Variants in MCC observed in about 807,000 individuals in gnomAD.
MCC encodes MCC regulator of Wnt signaling pathway.
A neutral mutation model predicts 116.2 loss-of-function variants in MCC; 90 were observed. The ratio of observed to expected loss-of-function variants is 0.77; its 90% CI spans 0.65 to 0.92. The LOEUF (loss-of-function observed/expected upper bound fraction) is 0.92, where lower values mean the gene tolerates loss of function less well. MCC is among the 40% of genes least tolerant of loss of function. The pLI is 0.00. For synonymous variants in MCC, 578 were observed against 510.5 expected, an observed-to-expected ratio of 1.13 and a Z score of -1.78; for missense variants, 1,516 against 1,312.2, an observed-to-expected ratio of 1.16 and a Z score of -2.40.
intron 3 of MCC, among the ~76,000 whole-genome samples, chr5:113,230,570 G>A (rs1043157110): frequency 6.6e-6 from 1 of 152,096 alleles, no homozygotes; most frequent in Non-Finnish European, 1.5e-5. Flanking sequence ...TTTCAATTCA[G>A]CAAAGCTATA....
chr5:113,280,499 T>C (rs1370554725), intron 3 of MCC, among the ~76,000 whole-genome samples: 2 of 152,190 alleles, frequency 1.3e-5, no homozygotes, highest in African/African-American at 2.4e-5. Context: ...GTGAACACAC[T>C]GTATTATAGA....
rs372516478 is a variant in MCC, at chr5:113,431,269, A to G, written c.171-46057T>C. On this transcript the variant is annotated intron_variant, in intron 1 of 18. Transcript: ENST00000408903. Reference sequence around the variant, plus strand: ...GGTGTATTAGTTTGCTAGGGCTGCTATGACAAAGTACCACAAACTGAGGGG... The same window carrying G: ...GGTGTATTAGTTTGCTAGGGCTGCTGTGACAAAGTACCACAAACTGAGGGG... Among the ~76,000 whole-genome samples, 221 of 152,284 alleles carry G rather than the reference A, an allele frequency of 1.5e-3. 2 individuals are homozygous for G. Among genetic ancestry groups the G allele is most frequent in the African/African-American group, 5.1e-3 (211 of 41,574 alleles).
intron 3 of MCC, among the ~76,000 whole-genome samples, chr5:113,314,843 C>T (rs994702952): frequency 5.9e-5 from 9 of 152,214 alleles, no homozygotes; most frequent in African/African-American, 1.9e-4. Context: ...CTGCCTCGAC[C>T]TCCCAAAGTG....
intron 15 of MCC, 148 bp downstream of exon 15, chr5:113,053,577 G>C (rs1462209958): frequency 1.6e-6 from 1 of 609,348 alleles, no homozygotes; most frequent in Non-Finnish European, 2.9e-6. Context: ...CCCAGACATA[G>C]TGAAACCAGC....
intron 3 of MCC, among the ~76,000 whole-genome samples, chr5:113,217,159 T>C (rs1763352925): frequency 6.6e-6 from 1 of 152,252 alleles, no homozygotes; most frequent in South Asian, 2.1e-4. Flanking sequence ...CTAGGTCTTA[T>C]ATTAATACTA....
intron 14 of MCC, among the ~76,000 whole-genome samples, chr5:113,058,243 T>C (rs546422858): frequency 6.6e-6 from 1 of 152,206 alleles, no homozygotes; most frequent in Non-Finnish European, 1.5e-5. Flanking sequence ...TGGTAAAAGC[T>C]AGCATTCTCT....
chr5:113,464,312 T>C (rs550589038), intron 1 of MCC, among the ~76,000 whole-genome samples: 1 of 152,308 alleles, frequency 6.6e-6, no homozygotes, highest in East Asian at 1.9e-4. Flanking sequence ...CTACTTCTCT[T>C]CTACTACTCT....
intron 4 of MCC, among the ~76,000 whole-genome samples, 177 bp downstream of exon 4, chr5:113,151,132 T>C (rs1759840838): frequency 6.6e-6 from 1 of 152,210 alleles, no homozygotes; most frequent in Admixed American, 6.5e-5. Flanking sequence ...AAATAAGTGT[T>C]GTTTAAGCCA....
intron 5 of MCC, among the ~76,000 whole-genome samples, chr5:113,128,578 T>C (rs1581119841): frequency 6.6e-6 from 1 of 152,356 alleles, no homozygotes; most frequent in South Asian, 2.1e-4. Context: ...CAGACTCATC[T>C]ATGAATCTTT....
At chr5:113,135,507 C>T (rs576781754) in intron 5 of MCC, among the ~76,000 whole-genome samples, 4 of 143,030 alleles carry the variant, frequency 2.8e-5, no homozygotes, top group South Asian at 2.3e-4. Flanking sequence ...TGAAGTGAAC[C>T]GAGATCGTGC....
intron 1 of MCC, among the ~76,000 whole-genome samples, chr5:113,473,994 G>A (rs561246654): frequency 2.6e-5 from 4 of 152,170 alleles, no homozygotes; most frequent in African/African-American, 4.8e-5. Context: ...AAAGTTACAC[G>A]ACCAGTTAGT....
rs766078305 is a variant in MCC at position 113,434,837 on chromosome 5, C to T, written c.171-49625G>A. The stretch of plus-strand genomic sequence containing the variant: ...GTCGCTTGAGGACAGCAGCGTCATC[C>T]ATGGTGCCAGGAATGCCCAGTGCCT... On this transcript the variant is annotated intron_variant, in intron 1 of 18. Coordinates refer to ENST00000408903, the MANE Select transcript of MCC (RefSeq NM_001085377.2). The surrounding 1 kb of genome is among the most constrained non-coding windows in gnomAD (Gnocchi z 4.2). The T allele has an allele frequency of 5.0e-6, 8 of 1,604,962 alleles. No individual in the cohort carries two copies. Among genetic ancestry groups the T allele is most frequent in the African/African-American group, 1.3e-5 (1 of 74,696 alleles).
chr5:113,216,599 T>C (rs1763326605), intron 3 of MCC, among the ~76,000 whole-genome samples: 1 of 152,220 alleles, frequency 6.6e-6, no homozygotes, highest in African/African-American at 2.4e-5. Flanking sequence ...GATGAGTGTT[T>C]ACAAGGTATT....
At chr5:113,357,534 G>A (rs1040244884) in intron 2 of MCC, among the ~76,000 whole-genome samples, 3 of 152,040 alleles carry the variant, frequency 2.0e-5, no homozygotes, top group East Asian at 3.8e-4. Flanking sequence ...AATAATAATT[G>A]GTCACAGCAA....
At chr5:113,128,314 C>T (rs938784862) in intron 5 of MCC, among the ~76,000 whole-genome samples, 3 of 152,202 alleles carry the variant, frequency 2.0e-5, no homozygotes, top group Non-Finnish European at 4.4e-5. Context: ...CCAACTAATC[C>T]ACCCTACTTG....
chr5:113,122,066 C>T lies in MCC; in HGVS notation c.1027+618G>A, dbSNP rs113776983. Among the ~76,000 whole-genome samples the T allele has an allele frequency of 4.6e-3, 704 of 152,338 alleles. 6 individuals are homozygous for T. Among genetic ancestry groups the T allele is most frequent in the African/African-American group, 0.016 (675 of 41,588 alleles). On this transcript the variant is annotated intron_variant, in intron 6 of 18. Coordinates refer to ENST00000408903, the MANE Select transcript of MCC (RefSeq NM_001085377.2). Reference sequence around the variant, plus strand: ...TACTGTCACTTGCTTTCCTATTAGCCTTCATTTAAAAATACTTTTTCATGT... The same window carrying T: ...TACTGTCACTTGCTTTCCTATTAGCTTTCATTTAAAAATACTTTTTCATGT...
At chr5:113,385,887 A>C (rs965970587) in intron 1 of MCC, among the ~76,000 whole-genome samples, 1 of 152,186 alleles carries the variant, frequency 6.6e-6, no homozygotes, top group African/African-American at 2.4e-5. Flanking sequence ...GATAGATCTA[A>C]GATAAGAGGG....
At chr5:113,167,677 C>A (rs1760841953) in intron 3 of MCC, among the ~76,000 whole-genome samples, 1 of 152,128 alleles carries the variant, frequency 6.6e-6, no homozygotes, top group South Asian at 2.1e-4. Flanking sequence ...GTCACCCACG[C>A]TGGAGTGCAG....
chr5:113,072,253 G>A (rs1163022117), intron 11 of MCC, among the ~76,000 whole-genome samples: 1 of 152,208 alleles, frequency 6.6e-6, no homozygotes, highest in Non-Finnish European at 1.5e-5. Context: ...AAGCCTTAGA[G>A]CAGAATATGG....
Sources: allele counts gnomAD v4.1 joint callset (sites outside exome capture counted in the v4.1 genomes callset), GRCh38; gene constraint gnomAD v4.1.1; non-coding constraint Gnocchi (gnomAD v3.1); transcripts MANE v1.5; gene names NCBI Gene and HGNC (gene_info 2026-07-23, HGNC 2026-07-21).